Variants in GSE1 observed in about 807,000 individuals in gnomAD.
The protein encoded by GSE1 is Gse1 coiled-coil protein.
Under a neutral mutation model 112.6 loss-of-function variants are expected in GSE1, and 32 were observed. That is an observed-to-expected ratio of 0.28 (90% CI 0.21 to 0.38). The LOEUF is 0.38. Ranked by LOEUF, GSE1 falls within the 10% of genes least tolerant of loss-of-function variation. The probability of loss-of-function intolerance (pLI) is 1.00; values close to 1 mark genes in which losing one functional copy is unlikely to be tolerated. For synonymous variants in GSE1, 1,115 were observed against 735.6 expected, an observed-to-expected ratio of 1.52 and a Z score of -8.35; for missense variants, 2,348 against 1,699.2, an observed-to-expected ratio of 1.38 and a Z score of -6.71.
At chr16:85,478,903 CT>C (rs1419317186) in intron 2 of GSE1, among the ~76,000 whole-genome samples, 1 of 67,532 alleles carries the variant, frequency 1.5e-5, no homozygotes, top group Non-Finnish European at 2.8e-5. Context: ...TTCTTTCTTT[CT>C]TTCTTTCTTT....
chr16:85,449,641 G>A (rs534348669), intron 2 of GSE1, among the ~76,000 whole-genome samples: 11 of 152,372 alleles, frequency 7.2e-5, no homozygotes, highest in Non-Finnish European at 7.3e-5. Flanking sequence ...TCCCAGCCCA[G>A]CTGAGATGCA....
intron 1 of GSE1, among the ~76,000 whole-genome samples, chr16:85,324,818 A>G (rs911410351): frequency 2.0e-5 from 3 of 151,728 alleles, no homozygotes; most frequent in South Asian, 4.2e-4. Flanking sequence ...GGAAAGGGGG[A>G]TAAATCTGAA....
chr16:85,599,568 C>T (rs575529762), intron 1 of GSE1, among the ~76,000 whole-genome samples: 2 of 152,336 alleles, frequency 1.3e-5, no homozygotes, highest in South Asian at 2.1e-4. Flanking sequence ...GCTTCCTGGC[C>T]GCGTGCTTCC....
At position 85,307,389 on chromosome 16, in the gene GSE1, A is replaced by C. The variant is rs139034502; in HGVS notation, c.2284-50074A>C. On this transcript the variant is annotated intron_variant, in intron 1 of 2. Coordinates refer to the GSE1 transcript ENST00000637419. The stretch of plus-strand genomic sequence containing the variant: ...ACACCTGCCTAGCTCAGGGGGCCCC[A>C]GGACAGCGCTCAGTTTCAGTAATTT... 4.1e-4 allele frequency among the ~76,000 whole-genome samples: 62 copies of C among 152,338 alleles called. 1 individual carries two copies. In the East Asian group the frequency reaches 0.012, roughly 29 times the overall value.
intron 2 of GSE1, among the ~76,000 whole-genome samples, chr16:85,497,142 A>C (rs1472128061): frequency 6.6e-6 from 1 of 151,532 alleles, no homozygotes; most frequent in Admixed American, 6.6e-5. Context: ...CAGGTGATCC[A>C]CCCGCCTCAG....
intron 8 of GSE1, among the ~76,000 whole-genome samples, chr16:85,658,400 G>C (rs1242779421): frequency 6.6e-6 from 1 of 152,234 alleles, no homozygotes; most frequent in East Asian, 1.9e-4. Flanking sequence ...TTCCTCAACT[G>C]TCCACAAAGG....
intron 1 of GSE1, among the ~76,000 whole-genome samples, chr16:85,339,305 C>T (rs1006739690): frequency 1.3e-5 from 2 of 152,204 alleles, no homozygotes; most frequent in Non-Finnish European, 1.5e-5. Context: ...CATCCTTTTC[C>T]TCCTGTGGAA....
rs77529638 is a variant in GSE1 at position 85,602,279 on chromosome 16, G to A, written c.37+45916G>A. Among the ~76,000 whole-genome samples, 967 of 152,296 alleles carry A rather than the reference G, an allele frequency of 6.3e-3. 15 individuals carry two copies. Among genetic ancestry groups the A allele is most frequent in the African/African-American group, 0.022 (905 of 41,556 alleles). On this transcript the variant is annotated intron_variant, in intron 1 of 2. Transcript: ENST00000635906. The stretch of plus-strand genomic sequence containing the variant: ...AGGGAGGAGGCGGGGCGGGAGCAGC[G>A]TGTGGACTGATTCACAGGCCTGCGT...
Position 85,634,256 on chromosome 16 carries a change from T to C in GSE1, c.226+124T>C, listed in dbSNP as rs2049800091. The C allele has an allele frequency of 1.9e-5, 13 of 677,232 alleles. 1 individual carries two copies. Among genetic ancestry groups the C allele is most frequent in the South Asian group, 1.8e-4 (8 of 45,046 alleles). The allele number at this position is 677,232 out of a possible 1,614,324, so 42.0% of individuals were successfully genotyped here. A position where few individuals can be genotyped will look rare whatever the true frequency, so the allele number is the denominator to read the frequency against. On this transcript the variant is annotated intron_variant, in intron 2 of 15. Coordinates refer to ENST00000253458, the MANE Select transcript of GSE1 (RefSeq NM_014615.5). The stretch of plus-strand genomic sequence containing the variant: ...TCTTTCCCACGCCGTGTGCTCTGCA[T>C]GGAGCAGGCAGTGCTGGCTGAGCTA...
chr16:85,259,234 C>T (rs759695428), intron 1 of GSE1, among the ~76,000 whole-genome samples: 42 of 152,128 alleles, frequency 2.8e-4, no homozygotes, highest in Admixed American at 9.8e-4. Context: ...GCTGCCCATC[C>T]GCACGGCCCC....
chr16:85,277,121 C>T (rs929962243), intron 1 of GSE1, among the ~76,000 whole-genome samples: 7 of 152,072 alleles, frequency 4.6e-5, no homozygotes, highest in African/African-American at 1.7e-4. Context: ...GACACCTGGC[C>T]CATCAGAGGC....
At chr16:85,524,021 C>T (rs1598059902) in intron 2 of GSE1, among the ~76,000 whole-genome samples, 1 of 152,178 alleles carries the variant, frequency 6.6e-6, no homozygotes, top group African/African-American at 2.4e-5. Flanking sequence ...TGTGTGCCTG[C>T]CTTGAGCCCT....
chr16:85,252,270 C>CTGG (rs1170542616), intron 1 of GSE1, among the ~76,000 whole-genome samples: 8 of 152,148 alleles, frequency 5.3e-5, no homozygotes, highest in South Asian at 2.1e-4. Flanking sequence ...ATGCGATCAC[C>CTGG]CGGCCTGGCT....
intron 2 of GSE1, among the ~76,000 whole-genome samples, chr16:85,428,935 G>C (rs912876331): frequency 6.6e-6 from 1 of 152,194 alleles, no homozygotes; most frequent in African/African-American, 2.4e-5. Flanking sequence ...TGGGCAGCTG[G>C]AGTGAGCAGT....
chr16:85,662,883 GGCCTGATAGGT>G (rs2052545606), intron 9 of GSE1, 87 bp from the exon 10 acceptor site: 8 of 843,466 alleles, frequency 9.5e-6, no homozygotes. Context: ...CAGCAGGCCT[GGCCTGATAGGT>G]GCTCTGCACA....
At chr16:85,503,768 G>A (rs1367484464) in intron 2 of GSE1, among the ~76,000 whole-genome samples, 3 of 152,218 alleles carry the variant, frequency 2.0e-5, no homozygotes, top group South Asian at 2.1e-4. Context: ...TAGTGTCCCC[G>A]AGACTGGTCT....
chr16:85,430,243 T>C (rs140830529), intron 2 of GSE1, among the ~76,000 whole-genome samples: 414 of 152,226 alleles, frequency 2.7e-3, no homozygotes, highest in South Asian at 9.5e-3. Flanking sequence ...ACAGATAGAA[T>C]GCAGTGAAGG....
At chr16:85,521,062 C>T (rs781181787) in intron 2 of GSE1, among the ~76,000 whole-genome samples, 5 of 152,228 alleles carry the variant, frequency 3.3e-5, no homozygotes, top group Middle Eastern at 6.8e-3. Flanking sequence ...CTGGGTTCTT[C>T]GTGAAGATCT....
Position 85,657,282 on chromosome 16 carries a change from C to T in GSE1, c.1318C>T (p.Leu440=), listed in dbSNP as rs566162439. The T allele has an allele frequency of 3.2e-6, 5 of 1,550,000 alleles. No individual in the cohort carries two copies. The African/African-American group carries it at 5.5e-5, about 17-fold the overall frequency. The part of the protein sequence containing the change: ...EQLTPTRAEK[L]KDAGLQAPKP... The stretch of plus-strand genomic sequence containing the variant: ...GACCGTGTTTCCCCCCACAGAGAAG[C>T]TGAAGGATGCCGGCCTGCAGGCGCC... Residue 440 remains leucine, a synonymous_variant, in exon 8 of 16, where the codon CTG becomes TTG. Transcript: ENST00000253458.
Sources: allele counts gnomAD v4.1 joint callset (sites outside exome capture counted in the v4.1 genomes callset), GRCh38; gene constraint gnomAD v4.1.1; transcripts MANE v1.5; gene names NCBI Gene and HGNC (gene_info 2026-07-23, HGNC 2026-07-21).